EML2: variants seen among roughly 807,000 people sequenced by gnomAD.
The protein encoded by EML2 is EMAP like 2.
Under a neutral mutation model 84.7 loss-of-function variants are expected in EML2, and 59 were observed. The observed-to-expected ratio is 0.70, with a 90% CI of 0.56 to 0.86. The LOEUF is 0.86. Among genes scored for constraint, EML2 ranks in the 40% least tolerant of loss-of-function variants. EML2 has a pLI of 0.00. For missense variants in EML2, 818 were observed against 855.6 expected (o/e 0.96, Z 0.55); for synonymous variants, 352 against 348.9 (o/e 1.01, Z -0.10).
At chr19:45,625,642 CTCACTCCACCTTCTCAGTGTCTCTGTT>C (rs1438905290) in intron 8 of EML2, among the ~76,000 whole-genome samples, 2 of 152,178 alleles carry the variant, frequency 1.3e-5, no homozygotes, top group Non-Finnish European at 2.9e-5. Context: ...CATTCCCTGC[CTCACTCCACCTTCTCAGTGTCTCTGTT>C]TCATCTCCGT....
chr19:45,621,443 G>T (rs1316702924), intron 10 of EML2, 40 bp downstream of exon 10: 30 of 1,592,818 alleles, frequency 1.9e-5, no homozygotes, highest in Middle Eastern at 1.7e-4. Flanking sequence ...GATCGGGGGG[G>T]GCCTCTCTAC....
upstream of EML2, chr19:45,644,766 G>T (rs746852444): frequency 4.6e-5 from 21 of 456,078 alleles, 1 homozygote; most frequent in Admixed American, 3.8e-4. Context: ...CTAGGGAGAA[G>T]GGATGGTGCT....
At chr19:45,611,343 G>A (rs536767253) in intron 18 of EML2, among the ~76,000 whole-genome samples, 3 of 151,922 alleles carry the variant, frequency 2.0e-5, no homozygotes, top group South Asian at 4.2e-4. Flanking sequence ...CCCAGGAGGC[G>A]GAGGTTGCAG....
upstream of EML2, among the ~76,000 whole-genome samples, chr19:45,643,306 G>C (rs1279715099): frequency 6.6e-6 from 1 of 152,204 alleles, no homozygotes; most frequent in Non-Finnish European, 1.5e-5. Context: ...CGGCGGACTT[G>C]GGGGTTGCAG....
intron 7 of EML2, among the ~76,000 whole-genome samples, chr19:45,628,166 T>C (rs1600158591): frequency 6.6e-6 from 1 of 150,512 alleles, no homozygotes; most frequent in East Asian, 2.0e-4. Context: ...GGTCAGGAGT[T>C]CGAGACTGGC....
At position 45,614,620 on chromosome 19, in the gene EML2, C is replaced by A; in HGVS notation, c.1678G>T (p.Gly560Trp). 6.2e-7 allele frequency: 1 copy of A among 1,614,032 alleles called. No individual in the cohort carries two copies. Among genetic ancestry groups the A allele is most frequent in the Non-Finnish European group, 8.5e-7 (1 of 1,179,912 alleles). ...CAGAACTCACCAAACACCCCAAACC[C>A]TAGGACACAAGTAGCTGTGGCCCAT... is the stretch of plus-strand genomic sequence containing the variant. ...MEWATATCVL[G>W]FGVFGIWSEG... Residue 560 changes from glycine to tryptophan, a missense_variant, in exon 17 of 19, where the codon GGG (glycine) becomes TGG (tryptophan). Coordinates refer to ENST00000245925, the MANE Select transcript of EML2 (RefSeq NM_012155.4).
At chr19:45,639,722 G>T (rs932856713), upstream of EML2, among the ~76,000 whole-genome samples, 1 of 152,144 alleles carries the variant, frequency 6.6e-6, no homozygotes, top group Non-Finnish European at 1.5e-5. Flanking sequence ...GGCCGGGCGC[G>T]GTGGCTCATG....
chr19:45,644,622 T>A, upstream of EML2: 1 of 451,572 alleles, frequency 2.2e-6, no homozygotes, highest in Non-Finnish European at 4.5e-6. Context: ...CTCCTGACCA[T>A]CCCCCCATCC....
At chr19:45,634,088 G>A (rs1973413621) in intron 4 of EML2, among the ~76,000 whole-genome samples, 1 of 151,924 alleles carries the variant, frequency 6.6e-6, no homozygotes, top group Non-Finnish European at 1.5e-5. Flanking sequence ...GGACCATAAG[G>A]GCTTACCACC....
Position 45,609,403 on chromosome 19 carries a change from G to C in EML2, c.*260C>G, listed in dbSNP as rs1970252652. The C allele has an allele frequency of 2.9e-6, 1 of 342,268 alleles. No individual in the cohort carries two copies. The highest frequency in any genetic ancestry group is 4.8e-5 in the Admixed American group (1 of 20,970). 21.2% of individuals were successfully genotyped at this position (342,268 alleles called of 1,614,324 possible). On this transcript the variant is annotated 3_prime_UTR_variant, in exon 19 of 19. Transcript: ENST00000245925. ...AATACATAGACCCTGACACACCTTA[G>C]TGTACGTGTCTTTATTTCTGGATGA...
intron 7 of EML2, among the ~76,000 whole-genome samples, chr19:45,629,017 C>G (rs941075731): frequency 2.0e-5 from 3 of 152,150 alleles, no homozygotes; most frequent in Non-Finnish European, 4.4e-5. Flanking sequence ...GCAGAGTCAG[C>G]AAGCAGCCAC....
Position 45,626,720 on chromosome 19 carries a change from C to T in EML2, c.726G>A (p.Arg242=), listed in dbSNP as rs1428646916. Residue 242 remains arginine, a synonymous_variant, in exon 8 of 19, where the codon CGG becomes CGA. Coordinates refer to ENST00000245925, the MANE Select transcript of EML2 (RefSeq NM_012155.4). ...WTLEGGSLSK[R]QGLFEKHEKP... Reference sequence around the variant, plus strand: ...TGGCACTCACCTCAAAGAGGCCTTGCCGCTTGCTCAAGCTGCCCCCCTCCA... The same window carrying T: ...TGGCACTCACCTCAAAGAGGCCTTGTCGCTTGCTCAAGCTGCCCCCCTCCA... 2.5e-6 allele frequency: 4 copies of T among 1,613,624 alleles called. No individual in the cohort carries two copies. Among genetic ancestry groups the T allele is most frequent in the South Asian group, 1.1e-5 (1 of 91,024 alleles).
intron 6 of EML2, among the ~76,000 whole-genome samples, chr19:45,631,355 T>G (rs1973004217): frequency 6.6e-6 from 1 of 152,110 alleles, no homozygotes; most frequent in African/African-American, 2.4e-5. Flanking sequence ...TACTCCCTAA[T>G]CCATTGAAGA....
At chr19:45,643,560 TC>T, upstream of EML2, 1 of 1,535,974 alleles carries the variant, frequency 6.5e-7, no homozygotes, top group Non-Finnish European at 8.7e-7. Context: ...CTCCCCCTTT[TC>T]CCGCAGAATA....
rs35850853 is a variant in EML2, at chr19:45,626,380, C to CTTT, written c.741+322_741+324dup. On this transcript the variant is annotated intron_variant, in intron 8 of 18. Transcript: ENST00000245925. Reference sequence around the variant, plus strand: ...TCTTCATCCCTTTGAATCCTCACAACTTTTTTTTTTTTTTTTTTTTTTTTT... The same window carrying CTTT: ...TCTTCATCCCTTTGAATCCTCACAACTTTTTTTTTTTTTTTTTTTTTTTTTTTT... Among the ~76,000 whole-genome samples, 24 of 79,432 alleles carry CTTT rather than the reference C, an allele frequency of 3.0e-4. 1 individual carries two copies. The highest frequency in any genetic ancestry group is 7.8e-4 in the African/African-American group (14 of 18,032). The allele number at this position is 79,432 out of a possible 152,430, so 52.1% of individuals were successfully genotyped here.
chr19:45,643,773 C>T (rs1974813030), upstream of EML2: 1 of 1,486,438 alleles, frequency 6.7e-7, no homozygotes, highest in Non-Finnish European at 8.9e-7. Context: ...CAATCGCCTG[C>T]CGAGGCTTGC....
At chr19:45,619,455 T>C (rs1971453280) in intron 11 of EML2, 1 of 266,324 alleles carries the variant, frequency 3.8e-6, no homozygotes, top group Admixed American at 4.7e-5. Context: ...GAGGGCATGG[T>C]GGCTCAGAGC....
Position 45,634,380 on chromosome 19 carries a change from A to C in EML2, c.271T>G (p.Tyr91Asp), listed in dbSNP as rs772844152. 1 of 1,614,060 alleles carries C rather than the reference A, an allele frequency of 6.2e-7. No homozygotes were observed. Among genetic ancestry groups the C allele is most frequent in the South Asian group, 1.1e-5 (1 of 91,086 alleles). The change falls in exon 4 of 19, where the codon TAC becomes GAC. Residue 91 changes from tyrosine (Y) to aspartate (D), a missense_variant. Tyr to Asp is a radical substitution (Grantham distance 160). Transcript: ENST00000245925. Reference sequence around the variant, plus strand: ...CGCTGCCTCTGCTCCTCCACGCTGTATAGCACGGCTACGGAGGCCACAAAG... The same window carrying C: ...CGCTGCCTCTGCTCCTCCACGCTGTCTAGCACGGCTACGGAGGCCACAAAG... ...VYFVASVAVL[Y>D]SVEEQRQRHY...
chr19:45,642,088 AGGCCCC>A (rs1568497403), upstream of EML2: 1 of 1,456,342 alleles, frequency 6.9e-7, no homozygotes, highest in East Asian at 2.5e-5. Context: ...TATAAGGACC[AGGCCCC>A]GGTCCTCCCC....
Sources: allele counts gnomAD v4.1 joint callset (sites outside exome capture counted in the v4.1 genomes callset), GRCh38; gene constraint gnomAD v4.1.1; transcripts MANE v1.5; gene names NCBI Gene and HGNC (gene_info 2026-07-23, HGNC 2026-07-21).